The following GK2 variants were observed in gnomAD, a reference collection of about 807,000 sequenced individuals.
GK2 encodes the protein ATP:glycerol 3-phosphotransferase 2.
Under a neutral mutation model 9.5 loss-of-function variants are expected in GK2, and 10 were observed. The ratio of observed to expected loss-of-function variants is 1.05; its 90% CI spans 0.65 to 1.78. GK2 has a LOEUF of 1.78. GK2 is among the 40% of genes most tolerant of loss of function. The pLI is 0.00. For synonymous variants in GK2, 228 were observed against 229.9 expected (o/e 0.99, Z 0.07); for missense variants, 643 against 669.0 (o/e 0.96, Z 0.43).
Position 79,406,416 on chromosome 4 carries a change from T to G in GK2, c.*123A>C. The G allele has an allele frequency of 1.6e-6, 1 of 624,682 alleles. No homozygotes were observed. The highest frequency in any genetic ancestry group is 2.8e-6 in the Non-Finnish European group (1 of 354,764). 38.7% of individuals were successfully genotyped at this position (624,682 alleles called of 1,614,324 possible). ...ACAAGTCTAGGGTTTTCATGGGTCA[T>G]GTAGCAAGTGGTTTATAAACAAAAT... On this transcript the variant is annotated 3_prime_UTR_variant, in exon 1 of 1. Transcript: ENST00000358842.
In GK2 at chr4:79,407,380, T is replaced by A; in HGVS notation, c.821A>T (p.Gln274Leu). Residue 274 changes from glutamine (Q) to leucine (L), a missense_variant, in exon 1 of 1, where the codon CAA (glutamine) becomes CTA (leucine). By Grantham distance (113) the Gln-to-Leu change is moderately radical. Transcript: ENST00000358842. The stretch of plus-strand genomic sequence containing the variant: ...ACCTGTTCCATAGGTGTTTTTGGCT[T>A]GTCCCTCCTGGAAGCACATTTGTCC... Reference protein sequence around the residue: ...LVGQMCFQEGQAKNTYGTGCF... With the variant: ...LVGQMCFQEGLAKNTYGTGCF... The A allele has an allele frequency of 6.2e-7, 1 of 1,614,236 alleles. No individual in the cohort carries two copies.
chr4:79,407,635 C>T lies in GK2; in HGVS notation c.566G>A (p.Gly189Glu), dbSNP rs753261035. The change falls in exon 1 of 1, where the codon GGA (glycine) becomes GAA (glutamate). Residue 189 changes from glycine to glutamate, a missense_variant. Transcript: ENST00000358842. The part of the protein sequence containing the change: ...DSWLIWSLTG[G>E]VNGGVHCTDV... Reference sequence around the variant, plus strand: ...TGTACAATGCACGCCTCCATTAACTCCTCCTGTCAAACTCCAGATAAGCCA... The same window carrying T: ...TGTACAATGCACGCCTCCATTAACTTCTCCTGTCAAACTCCAGATAAGCCA... 1.2e-6 allele frequency: 2 copies of T among 1,614,184 alleles called. No homozygotes were observed. Among genetic ancestry groups the T allele is most frequent in the Non-Finnish European group, 1.7e-6 (2 of 1,180,018 alleles).
chr4:79,407,330 G>C lies in GK2; in HGVS notation c.871C>G (p.Arg291Gly). Residue 291 changes from arginine (R) to glycine (G), a missense_variant, in exon 1 of 1, where the codon CGT (arginine) becomes GGT (glycine). Arg to Gly is a moderately radical substitution (Grantham distance 125). Transcript: ENST00000358842. ...TGCFLLCNTG[R>G]KCVFSEHGLL... ...CCATGTTCAGAAAACACACATTTACGACCCGTATTACACAGTAAGAAGCAA... is the reference window on the plus strand; with the variant it reads ...CCATGTTCAGAAAACACACATTTACCACCCGTATTACACAGTAAGAAGCAA... The C allele has an allele frequency of 6.2e-7, 1 of 1,614,124 alleles. No individual in the cohort carries two copies. Among genetic ancestry groups the C allele is most frequent in the Non-Finnish European group, 8.5e-7 (1 of 1,180,020 alleles).
In GK2 at chr4:79,408,067, T is replaced by TG. The variant is rs1428686094; in HGVS notation, c.133dup (p.Gln45ProfsTer14). Reference sequence around the variant, plus strand: ...CACCCATCCTTCTTTTGGGAACTCTTGTGTTAATTCCACTTTGTGATGACT... The same window carrying TG: ...CACCCATCCTTCTTTTGGGAACTCTTGGTGTTAATTCCACTTTGTGATGACT... On this transcript the variant is annotated frameshift_variant, in exon 1 of 1. Coordinates refer to ENST00000358842, the MANE Select transcript of GK2 (RefSeq NM_033214.3). LOFTEE classifies it low-confidence loss of function (END_TRUNC). 5 of 1,614,114 alleles carry TG rather than the reference T, an allele frequency of 3.1e-6. No homozygotes were observed. Among genetic ancestry groups the TG allele is most frequent in the Non-Finnish European group, 4.2e-6 (5 of 1,180,036 alleles).
In GK2 at chr4:79,407,287, G is replaced by A. The variant is rs1553902439; in HGVS notation, c.914C>T (p.Ala305Val). 4 of 1,614,180 alleles carry A rather than the reference G, an allele frequency of 2.5e-6. No homozygotes were observed. The South Asian group carries it at 4.4e-5, about 18-fold the overall frequency. The change falls in exon 1 of 1, where the codon GCT (alanine) becomes GTT (valine). Residue 305 changes from alanine to valine, a missense_variant. Ala to Val is a moderately conservative substitution (Grantham distance 64, BLOSUM62 0). Coordinates refer to ENST00000358842, the MANE Select transcript of GK2 (RefSeq NM_033214.3). ...FSEHGLLTTV[A>V]YKLGREKPAY... ...TGGCTTCTCTCTGCCTAGTTTGTAAGCTACTGTGGTCAAAAGGCCATGTTC... is the reference window on the plus strand; with the variant it reads ...TGGCTTCTCTCTGCCTAGTTTGTAAACTACTGTGGTCAAAAGGCCATGTTC...
rs753000679 is a variant in GK2 at position 79,408,130 on chromosome 4, C to A, written c.71G>T (p.Arg24Leu). ...GAVVQGTNST[R>L]FLVFNSKTAE... ...TGTTTTTGAATTGAAAACCAGAAAG[C>A]GAGTGGAGTTGGTGCCCTGGACCAC... is the stretch of plus-strand genomic sequence containing the variant. The change falls in exon 1 of 1, where the codon CGC (arginine) becomes CTC (leucine). Residue 24 changes from arginine (R) to leucine (L), a missense_variant. Coordinates refer to ENST00000358842, the MANE Select transcript of GK2 (RefSeq NM_033214.3). The A allele has an allele frequency of 3.1e-6, 5 of 1,613,734 alleles. No individual in the cohort carries two copies. Among genetic ancestry groups the A allele is most frequent in the East Asian group, 2.2e-5 (1 of 44,878 alleles).
chr4:79,407,793 G>T lies in GK2; in HGVS notation c.408C>A (p.Phe136Leu). 1 of 1,614,130 alleles carries T rather than the reference G, an allele frequency of 6.2e-7. No homozygotes were observed. The highest frequency in any genetic ancestry group is 8.5e-7 in the Non-Finnish European group (1 of 1,180,030). The change falls in exon 1 of 1, where the codon TTC (phenylalanine) becomes TTA (leucine). Residue 136 changes from phenylalanine (F) to leucine (L), a missense_variant. Phe to Leu is a conservative substitution (Grantham distance 22). Transcript: ENST00000358842. ...GTGGAAGGCCTGTCTTAGACTTGAC[G>T]AAGTTACTATTTCCTGGAATTTTTT... ...LSKKIPGNSN[F>L]VKSKTGLPLS...
chr4:79,407,155 G>A lies in GK2; in HGVS notation c.1046C>T (p.Ala349Val), dbSNP rs947564396. ...IETSGDIERL[A>V]KEVGTSYGCY... ...GCCATAAGAAGTTCCTACTTCTTTA[G>A]CAAGTCTTTCAATGTCTCCTGAGGT... The change falls in exon 1 of 1, where the codon GCT becomes GTT. Residue 349 changes from alanine (A) to valine (V), a missense_variant. By Grantham distance (64) the Ala-to-Val change is moderately conservative (BLOSUM62 0). Transcript: ENST00000358842. 1 of 1,614,144 alleles carries A rather than the reference G, an allele frequency of 6.2e-7. No homozygotes were observed. Among genetic ancestry groups the A allele is most frequent in the African/African-American group, 1.3e-5 (1 of 75,042 alleles).
chr4:79,406,855 G>A lies in GK2; in HGVS notation c.1346C>T (p.Pro449Leu). Reference sequence around the variant, plus strand: ...TAGTGCAGTTGTTTCAGGCATAAAGGGTTTTATTACTGGAATATGAAGAAT... The same window carrying A: ...TAGTGCAGTTGTTTCAGGCATAAAGAGTTTTATTACTGGAATATGAAGAAT... ...ADILHIPVIK[P>L]FMPETTALGA... The change falls in exon 1 of 1, where the codon CCC (proline) becomes CTC (leucine). Residue 449 changes from proline to leucine, a missense_variant. Pro to Leu is a moderately conservative substitution (Grantham distance 98). Transcript: ENST00000358842. 1 of 1,614,148 alleles carries A rather than the reference G, an allele frequency of 6.2e-7. No individual in the cohort carries two copies. The highest frequency in any genetic ancestry group is 8.5e-7 in the Non-Finnish European group (1 of 1,180,016).
Position 79,406,898 on chromosome 4 carries a change from T to A in GK2, c.1303A>T (p.Met435Leu). The change falls in exon 1 of 1, where the codon ATG becomes TTG. Residue 435 changes from methionine to leucine, a missense_variant. Coordinates refer to ENST00000358842, the MANE Select transcript of GK2 (RefSeq NM_033214.3). ...TGAAGAATATCTGCTTGTAGCTGCATAAGAACTTTGTTGTTGGTCATTCCT... is the reference window on the plus strand; with the variant it reads ...TGAAGAATATCTGCTTGTAGCTGCAAAAGAACTTTGTTGTTGGTCATTCCT... ...DGGMTNNKVL[M>L]QLQADILHIP... 6.2e-7 allele frequency: 1 copy of A among 1,614,206 alleles called. No homozygotes were observed. Among genetic ancestry groups the A allele is most frequent in the African/African-American group, 1.3e-5 (1 of 75,060 alleles).
chr4:79,407,515 A>C lies in GK2; in HGVS notation c.686T>G (p.Leu229Arg), dbSNP rs758512798. 1 of 1,614,072 alleles carries C rather than the reference A, an allele frequency of 6.2e-7. No individual in the cohort carries two copies. Among genetic ancestry groups the C allele is most frequent in the African/African-American group, 1.3e-5 (1 of 74,928 alleles). ...AGAAGAACTGAAGACATTTGGAAGA[A>C]GGTCCATTGGAATTTCAAAAAAGTC... ...LCDFFEIPMD[L>R]LPNVFSSSEI... The change falls in exon 1 of 1, where the codon CTT becomes CGT. Residue 229 changes from leucine to arginine, a missense_variant. Transcript: ENST00000358842.
At position 79,407,524 on chromosome 4, in the gene GK2, G is replaced by A; in HGVS notation, c.677C>T (p.Pro226Leu). ...DKELCDFFEI[P>L]MDLLPNVFSS... ...GAAGACATTTGGAAGAAGGTCCATT[G>A]GAATTTCAAAAAAGTCACAGAGCTC... The change falls in exon 1 of 1, where the codon CCA becomes CTA. Residue 226 changes from proline to leucine, a missense_variant. Pro to Leu is a moderately conservative substitution (Grantham distance 98). Transcript: ENST00000358842. The A allele has an allele frequency of 6.2e-7, 1 of 1,614,078 alleles. No homozygotes were observed. The highest frequency in any genetic ancestry group is 8.5e-7 in the Non-Finnish European group (1 of 1,179,982).
In GK2 at chr4:79,407,972, C is replaced by G. The variant is rs149134428; in HGVS notation, c.229G>C (p.Glu77Gln). ...CIARTCEKLD[E>Q]LNIDISNIKA... ...ATGTTGGATATATCAATATTCAGTT[C>G]GTCAAGTTTCTCACACGTTCTCGCT... is the stretch of plus-strand genomic sequence containing the variant. Residue 77 changes from glutamate (E) to glutamine (Q), a missense_variant, in exon 1 of 1, where the codon GAA becomes CAA. Glu to Gln is a conservative substitution (Grantham distance 29, BLOSUM62 2). Coordinates refer to ENST00000358842, the MANE Select transcript of GK2 (RefSeq NM_033214.3). 6.2e-7 allele frequency: 1 copy of G among 1,613,904 alleles called. No individual in the cohort carries two copies. The highest frequency in any genetic ancestry group is 1.3e-5 in the African/African-American group (1 of 74,896).
chr4:79,407,565 A>C lies in GK2; in HGVS notation c.636T>G (p.Ser212=), dbSNP rs1280082348. The change falls in exon 1 of 1, where the codon TCT becomes TCG. Residue 212 remains serine, a synonymous_variant. Transcript: ENST00000358842. The stretch of plus-strand genomic sequence containing the variant: ...CACAGAGCTCTTTATCCCATTCCAA[A>C]GAATGGATATTAAAAAGCATTGTCC... ...ASRTMLFNIH[S]LEWDKELCDF... The C allele has an allele frequency of 5.6e-6, 9 of 1,614,002 alleles. No homozygotes were observed. In the Middle Eastern group the frequency reaches 1.2e-3, roughly 206 times the overall value.
In GK2 at chr4:79,406,748, C is replaced by T. The variant is rs1323357308; in HGVS notation, c.1453G>A (p.Glu485Lys). 1.2e-6 allele frequency: 2 copies of T among 1,614,058 alleles called. No individual in the cohort carries two copies. Among genetic ancestry groups the T allele is most frequent in the South Asian group, 1.1e-5 (1 of 91,084 alleles). Residue 485 changes from glutamate to lysine, a missense_variant, in exon 1 of 1, where the codon GAA becomes AAA. Transcript: ENST00000358842. ...EPQALSVLRM[E>K]RFEPQIQATE... The stretch of plus-strand genomic sequence containing the variant: ...GCCTGGATCTGTGGTTCAAATCGTT[C>T]CATCCTGAGAACTGACAAAGCCTGG...
rs1300833483 is a variant in GK2 at position 79,407,554 on chromosome 4, T to C, written c.647A>G (p.Asp216Gly). The C allele has an allele frequency of 9.9e-6, 16 of 1,614,078 alleles. No homozygotes were observed. The Admixed American group carries it at 2.5e-4, about 25-fold the overall frequency. ...MLFNIHSLEWDKELCDFFEIP... is the reference protein window; with the variant it reads ...MLFNIHSLEWGKELCDFFEIP... Reference sequence around the variant, plus strand: ...TTCAAAAAAGTCACAGAGCTCTTTATCCCATTCCAAAGAATGGATATTAAA... The same window carrying C: ...TTCAAAAAAGTCACAGAGCTCTTTACCCCATTCCAAAGAATGGATATTAAA... The change falls in exon 1 of 1, where the codon GAT becomes GGT. Residue 216 changes from aspartate (D) to glycine (G), a missense_variant. Asp to Gly is a moderately conservative substitution (Grantham distance 94). Coordinates refer to ENST00000358842, the MANE Select transcript of GK2 (RefSeq NM_033214.3).
At position 79,406,861 on chromosome 4, in the gene GK2, A is replaced by G. The variant is rs1358221198; in HGVS notation, c.1340T>C (p.Ile447Thr). 4 of 1,614,194 alleles carry G rather than the reference A, an allele frequency of 2.5e-6. No homozygotes were observed. The South Asian group carries it at 3.3e-5, about 13-fold the overall frequency. The change falls in exon 1 of 1, where the codon ATA (isoleucine) becomes ACA (threonine). Residue 447 changes from isoleucine (I) to threonine (T), a missense_variant. Ile to Thr is a moderately conservative substitution (Grantham distance 89, BLOSUM62 -1). Transcript: ENST00000358842. ...LQADILHIPV[I>T]KPFMPETTAL... Reference sequence around the variant, plus strand: ...AGTTGTTTCAGGCATAAAGGGTTTTATTACTGGAATATGAAGAATATCTGC... The same window carrying G: ...AGTTGTTTCAGGCATAAAGGGTTTTGTTACTGGAATATGAAGAATATCTGC...
Position 79,407,324 on chromosome 4 carries a change from A to C in GK2, c.877T>G (p.Cys293Gly). The change falls in exon 1 of 1, where the codon TGT becomes GGT. Residue 293 changes from cysteine to glycine, a missense_variant. Coordinates refer to ENST00000358842, the MANE Select transcript of GK2 (RefSeq NM_033214.3). ...AAAAGGCCATGTTCAGAAAACACAC[A>C]TTTACGACCCGTATTACACAGTAAG... Reference protein sequence around the residue: ...CFLLCNTGRKCVFSEHGLLTT... With the variant: ...CFLLCNTGRKGVFSEHGLLTT... 6.2e-7 allele frequency: 1 copy of C among 1,614,154 alleles called. No individual in the cohort carries two copies. Among genetic ancestry groups the C allele is most frequent in the Non-Finnish European group, 8.5e-7 (1 of 1,180,032 alleles).
Position 79,406,537 on chromosome 4 carries a change from T to A in GK2, c.*2A>T. 1 of 1,573,314 alleles carries A rather than the reference T, an allele frequency of 6.4e-7. No individual in the cohort carries two copies. On this transcript the variant is annotated 3_prime_UTR_variant, in exon 1 of 1. Coordinates refer to ENST00000358842, the MANE Select transcript of GK2 (RefSeq NM_033214.3). ...CATCTTGGGACTCCATAGCTGGTAT[T>A]ATTATGGCACACCCGAGATATATCT...
Sources: allele counts gnomAD v4.1 joint callset, GRCh38; gene constraint gnomAD v4.1.1; transcripts MANE v1.5; gene names NCBI Gene and HGNC (gene_info 2026-07-23, HGNC 2026-07-21).